The following ANO10 variants were observed in gnomAD, a reference collection of about 807,000 sequenced individuals.
ANO10 encodes the protein anoctamin-10.
Under a neutral mutation model 74.7 loss-of-function variants are expected in ANO10, and 77 were observed. The observed-to-expected ratio is 1.03, with a 90% CI of 0.86 to 1.25. The LOEUF (loss-of-function observed/expected upper bound fraction) is 1.25. Among genes scored for constraint, ANO10 ranks in the 50% most tolerant of loss-of-function variants. The pLI, the probability that ANO10 is intolerant of heterozygous loss-of-function variation, is 0.00. For missense variants in ANO10, 721 were observed against 778.1 expected (o/e 0.93, Z 0.87); for synonymous variants, 279 against 284.9 (o/e 0.98, Z 0.21).
intron 11 of ANO10, among the ~76,000 whole-genome samples, chr3:43,470,629 TG>T (rs869212029): frequency 7.0e-6 from 1 of 141,904 alleles, no homozygotes; most frequent in South Asian, 2.2e-4. Flanking sequence ...TATTTATTTA[TG>T]TATTTATTTA....
chr3:43,681,726 T>C (rs1475671536), intron 1 of ANO10, among the ~76,000 whole-genome samples: 3 of 152,154 alleles, frequency 2.0e-5, no homozygotes, highest in Non-Finnish European at 4.4e-5. Flanking sequence ...TATAACAAAC[T>C]GTCTCTCAGA....
intron 11 of ANO10, among the ~76,000 whole-genome samples, chr3:43,444,491 T>C (rs1233904768): frequency 1.3e-5 from 2 of 152,214 alleles, no homozygotes; most frequent in East Asian, 3.8e-4. Context: ...CCAGAAATAT[T>C]CTCTAACTAA....
At chr3:43,510,072 T>G (rs902738481) in intron 11 of ANO10, among the ~76,000 whole-genome samples, 1 of 152,098 alleles carries the variant, frequency 6.6e-6, no homozygotes, top group Non-Finnish European at 1.5e-5. Flanking sequence ...CCCATGGTAA[T>G]GGAGCAGTCC....
At position 43,423,275 on chromosome 3, in the gene ANO10, C is replaced by T. The variant is rs191150601; in HGVS notation, c.1914+9336G>A. 3.4e-4 allele frequency among the ~76,000 whole-genome samples: 52 copies of T among 152,060 alleles called. No homozygotes were observed. The East Asian group carries it at 9.5e-3, about 28-fold the overall frequency. On this transcript the variant is annotated intron_variant, in intron 12 of 12. Coordinates refer to ENST00000292246, the MANE Select transcript of ANO10 (RefSeq NM_018075.5). ...CTGCCAGAGTATCTATTTTAAGACT[C>T]TTTTTTTTGTCCAAGGACATCATTT...
At chr3:43,517,027 G>A (rs1045508275) in intron 11 of ANO10, among the ~76,000 whole-genome samples, 2 of 152,260 alleles carry the variant, frequency 1.3e-5, no homozygotes, top group South Asian at 4.1e-4. Flanking sequence ...GGCTGCACAG[G>A]CAGGAGAGCT....
chr3:43,412,688 T>A (rs186985614), intron 12 of ANO10, among the ~76,000 whole-genome samples: 35 of 152,320 alleles, frequency 2.3e-4, no homozygotes, highest in African/African-American at 8.2e-4. Flanking sequence ...GGAAAGCATG[T>A]GTGCTATGAT....
At chr3:43,643,179 C>T (rs1193162383) in intron 1 of ANO10, among the ~76,000 whole-genome samples, 1 of 151,802 alleles carries the variant, frequency 6.6e-6, no homozygotes, top group Non-Finnish European at 1.5e-5. Context: ...CTACAGGCAC[C>T]CGCCACGACG....
intron 7 of ANO10, among the ~76,000 whole-genome samples, chr3:43,568,825 T>C (rs1249652264): frequency 6.9e-6 from 1 of 145,874 alleles, no homozygotes; most frequent in Non-Finnish European, 1.5e-5. Context: ...AGGCAAGAAA[T>C]AACTAAAATC....
At chr3:43,386,992 G>A (rs2092140203) in intron 12 of ANO10, among the ~76,000 whole-genome samples, 1 of 152,104 alleles carries the variant, frequency 6.6e-6, no homozygotes, top group South Asian at 2.1e-4. Flanking sequence ...TGGACTCTAG[G>A]AACCGTCATA....
At position 43,621,892 on chromosome 3, in the gene ANO10, T is replaced by G. The variant is rs2083415326; in HGVS notation, c.-12+17A>C. 6.6e-6 allele frequency: 1 copy of G among 152,258 alleles called. No homozygotes were observed. Among genetic ancestry groups the G allele is most frequent in the East Asian group, 1.9e-4 (1 of 5,162 alleles). The allele number at this position is 152,258 out of a possible 1,614,324, so 9.4% of individuals were successfully genotyped here. A position where few individuals can be genotyped will look rare whatever the true frequency, so the allele number is the denominator to read the frequency against. On this transcript the variant is annotated intron_variant, in intron 1 of 12. Coordinates refer to ENST00000292246, the MANE Select transcript of ANO10 (RefSeq NM_018075.5). ...CTGCGGACAGCTGGGGGGTCCGAGG[T>G]GCCCTCCCCGACTCACCAGCCGCCG...
At chr3:43,566,192 C>G (rs989084487) in intron 7 of ANO10, among the ~76,000 whole-genome samples, 4 of 152,158 alleles carry the variant, frequency 2.6e-5, no homozygotes, top group Non-Finnish European at 4.4e-5. Context: ...CCTACGCCCA[C>G]GGAGTCTCGC....
chr3:43,525,601 A>G (rs527481268), intron 11 of ANO10, among the ~76,000 whole-genome samples: 4 of 152,296 alleles, frequency 2.6e-5, no homozygotes, highest in Non-Finnish European at 5.9e-5. Context: ...TCATCACCAC[A>G]AAGTACTTTC....
At chr3:43,686,504 C>G (rs1019211889) in intron 1 of ANO10, among the ~76,000 whole-genome samples, 3 of 151,994 alleles carry the variant, frequency 2.0e-5, no homozygotes, top group Non-Finnish European at 4.4e-5. Context: ...CAAGCTGGTC[C>G]TGAACTCCTG....
chr3:43,637,628 C>A (rs535920756), intron 1 of ANO10: 26 of 150,458 alleles, frequency 1.7e-4, no homozygotes, highest in African/African-American at 6.4e-4. Context: ...TAGGGCAGTG[C>A]ACATCGTTCC....
At chr3:43,691,177 A>G (rs2084371108) in intron 1 of ANO10, 2 of 838,370 alleles carry the variant, frequency 2.4e-6, no homozygotes, top group African/African-American at 1.8e-5. Context: ...CCTCCCCGGC[A>G]TGAGTCCGCG....
At chr3:43,577,289 A>T (rs761385985) in intron 5 of ANO10, 28 bp from the exon 6 acceptor site, 2 of 1,593,802 alleles carry the variant, frequency 1.3e-6, no homozygotes, top group Admixed American at 1.7e-5. Flanking sequence ...AAAGAACATA[A>T]GTATAGACTA....
At chr3:43,480,275 G>A (rs1259968530) in intron 11 of ANO10, among the ~76,000 whole-genome samples, 1 of 152,154 alleles carries the variant, frequency 6.6e-6, no homozygotes, top group East Asian at 1.9e-4. Context: ...AATAAAGATA[G>A]AACATGGAGA....
chr3:43,489,856 G>A (rs945068106), intron 11 of ANO10, among the ~76,000 whole-genome samples: 1 of 146,758 alleles, frequency 6.8e-6, no homozygotes, highest in South Asian at 2.2e-4. Context: ...GACCATTAGA[G>A]GCCCTGATTT....
chr3:43,404,873 T>A (rs2092547450), intron 12 of ANO10, among the ~76,000 whole-genome samples: 2 of 74,946 alleles, frequency 2.7e-5, no homozygotes, highest in South Asian at 4.9e-4. Flanking sequence ...CAAGAACCTG[T>A]CTCAAAAAAA....
Sources: allele counts gnomAD v4.1 joint callset (sites outside exome capture counted in the v4.1 genomes callset), GRCh38; gene constraint gnomAD v4.1.1; transcripts MANE v1.5; gene names NCBI Gene and HGNC (gene_info 2026-07-23, HGNC 2026-07-21).